The following SLC25A16 variants were observed in gnomAD, a reference collection of about 807,000 sequenced individuals.
The protein encoded by SLC25A16 is solute carrier family 25 member 16.
Under a neutral mutation model 41.5 loss-of-function variants are expected in SLC25A16, and 39 were observed. The ratio of observed to expected loss-of-function variants is 0.94; its 90% CI spans 0.73 to 1.23. SLC25A16 has a LOEUF of 1.23. Among genes scored for constraint, SLC25A16 ranks in the 50% most tolerant of loss-of-function variants. The pLI, the probability that SLC25A16 is intolerant of heterozygous loss-of-function variation, is 0.00. For synonymous variants in SLC25A16, 146 were observed against 147.8 expected (o/e 0.99, Z 0.09); for missense variants, 421 against 426.9 (o/e 0.99, Z 0.12).
At chr10:68,519,428 G>A (rs1319096829) in intron 1 of SLC25A16, among the ~76,000 whole-genome samples, 1 of 151,434 alleles carries the variant, frequency 6.6e-6, no homozygotes, top group Non-Finnish European at 1.5e-5. Context: ...AGAGGTCTCA[G>A]TGAGCTGAGA....
intron 6 of SLC25A16, among the ~76,000 whole-genome samples, chr10:68,491,855 G>A (rs577094763): frequency 6.6e-5 from 10 of 152,134 alleles, no homozygotes; most frequent in Admixed American, 1.3e-4. Flanking sequence ...TAGAAATGGA[G>A]TCTCACTCTT....
At chr10:68,526,208 C>T (rs549812750) in intron 1 of SLC25A16, among the ~76,000 whole-genome samples, 3 of 151,278 alleles carry the variant, frequency 2.0e-5, no homozygotes, top group South Asian at 2.1e-4. Flanking sequence ...GTATAAAACG[C>T]GATTGTATGC....
Position 68,479,642 on chromosome 10 carries a change from A to G in SLC25A16, c.*3790T>C, listed in dbSNP as rs919769712. On this transcript the variant is annotated 3_prime_UTR_variant, in exon 9 of 9. Coordinates refer to ENST00000609923, the MANE Select transcript of SLC25A16 (RefSeq NM_152707.4). ...CAACAGGGCAAAACCCAGCTCTACT[A>G]AATACACAAAAATTAGCTGGGCGTG... 20 of 152,200 alleles carry G rather than the reference A, an allele frequency of 1.3e-4. No individual in the cohort carries two copies. Among genetic ancestry groups the G allele is most frequent in the African/African-American group, 4.3e-4 (18 of 41,514 alleles). The allele number at this position is 152,200 out of a possible 1,614,324, so 9.4% of individuals were successfully genotyped here. A position where few individuals can be genotyped will look rare whatever the true frequency, so the allele number is the denominator to read the frequency against.
Position 68,505,732 on chromosome 10 carries a change from C to T in SLC25A16, c.357+853G>A, listed in dbSNP as rs1000396662. ...CTAGGGAACAAAAGTGAAACTCCGT[C>T]TGAAAAAATAAATAAATAAAGGCCG... On this transcript the variant is annotated intron_variant, in intron 3 of 8. Transcript: ENST00000609923. Among the ~76,000 whole-genome samples the T allele has an allele frequency of 8.6e-5, 13 of 151,964 alleles. No individual in the cohort carries two copies. In the South Asian group the frequency reaches 1.2e-3, roughly 15 times the overall value.
intron 1 of SLC25A16, among the ~76,000 whole-genome samples, chr10:68,525,970 C>T (rs554924643): frequency 1.6e-4 from 24 of 151,874 alleles, no homozygotes; most frequent in African/African-American, 5.3e-4. Flanking sequence ...TGCGGAAGGC[C>T]GCAGGGACCT....
chr10:68,518,211 A>G (rs533518837), intron 1 of SLC25A16: 1 of 151,892 alleles, frequency 6.6e-6, no homozygotes, highest in South Asian at 2.1e-4. Flanking sequence ...TGAGGTCAGG[A>G]GTTTGAAACC....
At chr10:68,493,328 G>T (rs3758627) in intron 5 of SLC25A16, 121 bp downstream of exon 5, 49,115 of 1,128,232 alleles carry the variant, frequency 0.044, 1,238 homozygotes, top group Middle Eastern at 0.078. Flanking sequence ...ATGTGTTTTC[G>T]TAATTATTGT....
intron 1 of SLC25A16, among the ~76,000 whole-genome samples, chr10:68,524,329 AAAG>A (rs1302603462): frequency 7.1e-6 from 1 of 140,838 alleles, no homozygotes; most frequent in Non-Finnish European, 1.5e-5. Context: ...AAAAAAAAAA[AAAG>A]AGAGATCGAG....
rs908217493 is a variant in SLC25A16, at chr10:68,478,602, T to C, written c.*4830A>G. On this transcript the variant is annotated 3_prime_UTR_variant, in exon 9 of 9. Transcript: ENST00000609923. Reference sequence around the variant, plus strand: ...CAATGTTGCCCAGGCTGGGCTCGAATGCCTAGGCTCAAGTGATCCTCCTCG... The same window carrying C: ...CAATGTTGCCCAGGCTGGGCTCGAACGCCTAGGCTCAAGTGATCCTCCTCG... 2 of 151,906 alleles carry C rather than the reference T, an allele frequency of 1.3e-5. No individual in the cohort carries two copies. The highest frequency in any genetic ancestry group is 2.1e-4 in the South Asian group (1 of 4,820). The allele number at this position is 151,906 out of a possible 1,614,324, so 9.4% of individuals were successfully genotyped here.
chr10:68,506,485 T>C, intron 3 of SLC25A16, 100 bp downstream of exon 3: 1 of 801,940 alleles, frequency 1.2e-6, no homozygotes, highest in Non-Finnish European at 1.7e-6. Flanking sequence ...TTTTTAAAAA[T>C]ATGAAACTTT....
chr10:68,526,790 C>T (rs1208592481), intron 1 of SLC25A16, among the ~76,000 whole-genome samples: 1 of 152,178 alleles, frequency 6.6e-6, no homozygotes, highest in Non-Finnish European at 1.5e-5. Context: ...CCAGTTTTGG[C>T]TGTAGACAGT....
Position 68,483,378 on chromosome 10 carries a change from T to C in SLC25A16, c.*54A>G, listed in dbSNP as rs549328403. ...AATGTTCCCCCCACAATTATAGTAA[T>C]GTTTCATTTCTCCCTCTGAGAATGT... is the stretch of plus-strand genomic sequence containing the variant. On this transcript the variant is annotated 3_prime_UTR_variant, in exon 9 of 9. Coordinates refer to ENST00000609923, the MANE Select transcript of SLC25A16 (RefSeq NM_152707.4). The C allele has an allele frequency of 1.8e-5, 21 of 1,149,960 alleles. No homozygotes were observed. The Middle Eastern group carries it at 6.2e-4, about 34-fold the overall frequency. 71.2% of individuals were successfully genotyped at this position (1,149,960 alleles called of 1,614,324 possible).
In SLC25A16 at chr10:68,527,457, G is replaced by A. The variant is rs1221221302; in HGVS notation, c.-82C>T. The A allele has an allele frequency of 3.7e-6, 5 of 1,343,804 alleles. No homozygotes were observed. Among genetic ancestry groups the A allele is most frequent in the South Asian group, 1.6e-5 (1 of 62,748 alleles). The allele number at this position is 1,343,804 out of a possible 1,614,324, so 83.2% of individuals were successfully genotyped here. On this transcript the variant is annotated 5_prime_UTR_variant, in exon 1 of 9. Coordinates refer to ENST00000609923, the MANE Select transcript of SLC25A16 (RefSeq NM_152707.4). ...ACCATAGCCGGAACAGGCGGTGACAGGAGGCTGACCGCCCCGCCGGCGGGG... is the reference window on the plus strand; with the variant it reads ...ACCATAGCCGGAACAGGCGGTGACAAGAGGCTGACCGCCCCGCCGGCGGGG...
chr10:68,515,217 C>T (rs1163928397), intron 2 of SLC25A16, among the ~76,000 whole-genome samples: 2 of 150,294 alleles, frequency 1.3e-5, no homozygotes, highest in East Asian at 2.0e-4. Flanking sequence ...ATTAGCCAGG[C>T]GTGGTGGTGC....
At chr10:68,487,465 G>A (rs985251256) in intron 7 of SLC25A16, among the ~76,000 whole-genome samples, 11 of 152,102 alleles carry the variant, frequency 7.2e-5, no homozygotes, top group Admixed American at 4.6e-4. Flanking sequence ...ATTCCTAAAG[G>A]TCAAATTAAA....
intron 4 of SLC25A16, 75 bp from the exon 5 acceptor site, chr10:68,493,645 T>C (rs1298173649): frequency 1.6e-5 from 19 of 1,164,192 alleles, no homozygotes; most frequent in Non-Finnish European, 2.4e-5. Flanking sequence ...ATTAGTATTA[T>C]TCTCAATATT....
intron 4 of SLC25A16, among the ~76,000 whole-genome samples, chr10:68,494,917 C>G (rs563117290): frequency 6.7e-6 from 1 of 150,188 alleles, no homozygotes; most frequent in Admixed American, 6.6e-5. Flanking sequence ...AAAACAAAAT[C>G]ACTGTGGGAG....
At chr10:68,500,188 T>C (rs2052817594) in intron 4 of SLC25A16, among the ~76,000 whole-genome samples, 1 of 152,134 alleles carries the variant, frequency 6.6e-6, no homozygotes, top group Non-Finnish European at 1.5e-5. Flanking sequence ...TTGGCAAATA[T>C]AAAATTTCCA....
At chr10:68,524,705 C>T (rs1821064023) in intron 1 of SLC25A16, among the ~76,000 whole-genome samples, 1 of 122,352 alleles carries the variant, frequency 8.2e-6, no homozygotes, top group Admixed American at 9.1e-5. Flanking sequence ...GAGACTCCAT[C>T]TCAAAAAAAA....
Sources: allele counts gnomAD v4.1 joint callset (sites outside exome capture counted in the v4.1 genomes callset), GRCh38; gene constraint gnomAD v4.1.1; transcripts MANE v1.5; gene names NCBI Gene and HGNC (gene_info 2026-07-23, HGNC 2026-07-21).